Variants in JAK1 observed in about 807,000 individuals in gnomAD.
JAK1 encodes the protein tyrosine-protein kinase JAK1.
JAK1 carries 16 observed loss-of-function variants against 136.6 expected under a neutral mutation model. That is an observed-to-expected ratio of 0.12 (90% CI 0.08 to 0.18). The LOEUF is 0.18. JAK1 is among the 10% of genes least tolerant of loss of function. The pLI, the probability that JAK1 is intolerant of heterozygous loss-of-function variation, is 1.00. For missense variants in JAK1, 859 were observed against 1,450.1 expected, an observed-to-expected ratio of 0.59 and a Z score of 6.62; for synonymous variants, 492 against 519.5, an observed-to-expected ratio of 0.95 and a Z score of 0.72.
chr1:64,869,621 A>C (rs370897358), intron 5 of JAK1, 147 bp from the exon 6 acceptor site: 44 of 645,574 alleles, frequency 6.8e-5, no homozygotes, highest in Middle Eastern at 8.6e-4. Context: ...AGCTCTTTTA[A>C]ACAGAGTTGG....
intron 2 of JAK1, among the ~76,000 whole-genome samples, chr1:65,003,044 A>T (rs1216920257): frequency 7.6e-6 from 1 of 132,072 alleles, no homozygotes; most frequent in Admixed American, 8.1e-5. Context: ...TAAGAAAAGC[A>T]TTGGCACCGC....
At chr1:65,042,094 A>G (rs1023789330) in intron 2 of JAK1, among the ~76,000 whole-genome samples, 2 of 152,086 alleles carry the variant, frequency 1.3e-5, no homozygotes, top group Non-Finnish European at 2.9e-5. Context: ...AACAAAACAA[A>G]AAAACCCTCA....
intron 2 of JAK1, among the ~76,000 whole-genome samples, chr1:64,980,476 C>A (rs1569809927): frequency 6.6e-6 from 1 of 152,002 alleles, no homozygotes; most frequent in African/African-American, 2.4e-5. Context: ...GATTGCCCCC[C>A]AAAATTTCCA....
chr1:64,904,678 A>C (rs777022664), intron 1 of JAK1, among the ~76,000 whole-genome samples: 1 of 152,116 alleles, frequency 6.6e-6, no homozygotes, highest in Non-Finnish European at 1.5e-5. Flanking sequence ...TGGGTAGATG[A>C]CTTAATATAC....
intron 2 of JAK1, among the ~76,000 whole-genome samples, chr1:64,977,814 T>A (rs372725291): frequency 6.6e-6 from 1 of 152,056 alleles, no homozygotes; most frequent in East Asian, 1.9e-4. Context: ...CTGTGCTAAG[T>A]ACATATGTGT....
At chr1:65,045,094 C>G (rs1447434699) in intron 1 of JAK1, among the ~76,000 whole-genome samples, 1 of 152,244 alleles carries the variant, frequency 6.6e-6, no homozygotes, top group Non-Finnish European at 1.5e-5. Context: ...CCTCGGTCAG[C>G]ACCGCTAAAT....
chr1:64,979,227 T>TA (rs936317661), intron 2 of JAK1, among the ~76,000 whole-genome samples: 30 of 150,702 alleles, frequency 2.0e-4, no homozygotes, highest in Admixed American at 4.0e-4. Flanking sequence ...CTCCTCTCTA[T>TA]AAAAAAAAAT....
intron 2 of JAK1, among the ~76,000 whole-genome samples, chr1:65,010,346 C>T (rs1045827891): frequency 3.9e-5 from 6 of 152,190 alleles, no homozygotes; most frequent in Non-Finnish European, 7.3e-5. Context: ...CATCCATCCT[C>T]CTGCCCTCAG....
At chr1:65,004,334 A>G (rs558909081) in intron 2 of JAK1, among the ~76,000 whole-genome samples, 3 of 152,356 alleles carry the variant, frequency 2.0e-5, no homozygotes, top group African/African-American at 4.8e-5. Flanking sequence ...CTTCTCCAAG[A>G]TGATATGGAA....
intron 5 of JAK1, among the ~76,000 whole-genome samples, chr1:64,872,650 C>T (rs778851060): frequency 6.6e-6 from 1 of 152,084 alleles, no homozygotes; most frequent in South Asian, 2.1e-4. Flanking sequence ...GCAAATAGTA[C>T]GCAGACATCC....
chr1:64,994,587 T>C (rs1646686707), intron 2 of JAK1, among the ~76,000 whole-genome samples: 1 of 152,110 alleles, frequency 6.6e-6, no homozygotes, highest in African/African-American at 2.4e-5. Context: ...ATTAATCTAT[T>C]CTTGAGGGCG....
chr1:64,960,062 C>T (rs894686040), intron 1 of JAK1, among the ~76,000 whole-genome samples: 1 of 152,018 alleles, frequency 6.6e-6, no homozygotes, highest in Non-Finnish European at 1.5e-5. Flanking sequence ...CCTCTCTCAA[C>T]AAAACAATTT....
rs559525494 is a variant in JAK1 at position 65,047,643 on chromosome 1, T to C, written c.-180-3061A>G. Among the ~76,000 whole-genome samples, 19 of 151,120 alleles carry C rather than the reference T, an allele frequency of 1.3e-4. No homozygotes were observed. The East Asian group carries it at 3.5e-3, about 28-fold the overall frequency. On this transcript the variant is annotated intron_variant, in intron 1 of 25. Coordinates refer to the JAK1 transcript ENST00000671954. ...CTGAGGCAGGAGAATGGCGTGAACCTGGGAGGCGGAGCTTGCAGTGCGCCG... is the reference window on the plus strand; with the variant it reads ...CTGAGGCAGGAGAATGGCGTGAACCCGGGAGGCGGAGCTTGCAGTGCGCCG...
chr1:65,015,327 T>C (rs542268212), intron 2 of JAK1, among the ~76,000 whole-genome samples: 1 of 150,876 alleles, frequency 6.6e-6, no homozygotes, highest in South Asian at 2.1e-4. Context: ...GTCAATGAGG[T>C]TGGTGTTTAG....
chr1:64,879,246 T>A (rs1181244879), intron 3 of JAK1, 98 bp from the exon 4 acceptor site: 1 of 1,415,128 alleles, frequency 7.1e-7, no homozygotes, highest in South Asian at 1.3e-5. Context: ...AACTCTCTCA[T>A]CCACAAAGAA....
chr1:64,954,479 A>G (rs1646147032), intron 1 of JAK1, among the ~76,000 whole-genome samples: 1 of 152,214 alleles, frequency 6.6e-6, no homozygotes, highest in African/African-American at 2.4e-5. Flanking sequence ...TCTTCAGACT[A>G]CAAGATCCTT....
At chr1:64,917,202 T>C (rs1173083661) in intron 1 of JAK1, among the ~76,000 whole-genome samples, 1 of 152,156 alleles carries the variant, frequency 6.6e-6, no homozygotes, top group East Asian at 1.9e-4. Flanking sequence ...TCAGGCTTTT[T>C]AACAGCTGCA....
intron 1 of JAK1, among the ~76,000 whole-genome samples, chr1:64,917,605 C>T (rs373463508): frequency 7.2e-5 from 11 of 152,236 alleles, no homozygotes; most frequent in African/African-American, 2.4e-4. Flanking sequence ...CCTGGGTGAG[C>T]CTGGACCAAA....
At chr1:64,906,216 C>T (rs897392388) in intron 1 of JAK1, among the ~76,000 whole-genome samples, 5 of 151,932 alleles carry the variant, frequency 3.3e-5, no homozygotes, top group African/African-American at 1.2e-4. Flanking sequence ...ATTGTTTGAA[C>T]CTGGGAGGCG....
Sources: gnomAD v4.1 joint callset for allele counts (sites outside exome capture counted in the v4.1 genomes callset) on GRCh38, gnomAD v4.1.1 for gene constraint, MANE v1.5 for transcripts, NCBI Gene and HGNC (gene_info 2026-07-23, HGNC 2026-07-21) for gene names.